The following SUCLG2 variants were observed in gnomAD, a reference collection of about 807,000 sequenced individuals.
The protein encoded by SUCLG2 is succinate-CoA ligase GDP-forming subunit beta.
A neutral mutation model predicts 47.9 loss-of-function variants in SUCLG2; 42 were observed. The ratio of observed to expected loss-of-function variants is 0.88; its 90% confidence interval spans 0.69 to 1.14. The LOEUF is 1.14. Ranked by LOEUF, SUCLG2 falls within the 50% of genes most tolerant of loss-of-function variation. The pLI is 0.00. For missense variants in SUCLG2, 571 were observed against 525.9 expected (o/e 1.09, Z -0.84); for synonymous variants, 195 against 197.3 (o/e 0.99, Z 0.10).
intron 10 of SUCLG2, among the ~76,000 whole-genome samples, chr3:67,392,235 C>T (rs545106615): frequency 6.6e-6 from 1 of 152,280 alleles, no homozygotes; most frequent in East Asian, 1.9e-4. Context: ...TTCACCTCTC[C>T]TGCCTTATCA....
At chr3:67,475,002 TA>T (rs141612730) in intron 9 of SUCLG2, among the ~76,000 whole-genome samples, 79,373 of 142,828 alleles carry the variant, frequency 0.56, 21,915 homozygotes, top group Middle Eastern at 0.64. Context: ...TTTCCTGGTC[TA>T]AAAAAAAAAA....
In SUCLG2 at chr3:67,444,687, T is replaced by TG. The variant is rs1425486249; in HGVS notation, c.1063-43837dup. Reference sequence around the variant, plus strand: ...CCAGCCGCCCCGTCTGGGAGGGAGGTGGGGGGGGTCAGCCCCCCTGCCCGG... The same window carrying TG: ...CCAGCCGCCCCGTCTGGGAGGGAGGTGGGGGGGGGTCAGCCCCCCTGCCCGG... On this transcript the variant is annotated intron_variant, in intron 9 of 10. Transcript: ENST00000307227. 2.3e-3 allele frequency among the ~76,000 whole-genome samples: 17 copies of TG among 7,304 alleles called. 3 individuals are homozygous for TG. Among genetic ancestry groups the TG allele is most frequent in the African/African-American group, 0.014 (17 of 1,226 alleles). 4.8% of individuals were successfully genotyped at this position (7,304 alleles called of 152,430 possible).
At chr3:67,651,449 G>A (rs952109230) in intron 1 of SUCLG2, among the ~76,000 whole-genome samples, 1 of 152,112 alleles carries the variant, frequency 6.6e-6, no homozygotes, top group Non-Finnish European at 1.5e-5. Flanking sequence ...TCATCGCTCA[G>A]GTCTCAGCTC....
rs1177821579 is a variant in SUCLG2, at chr3:67,508,854, G to A, written c.710C>T (p.Ala237Val). 4 of 1,611,634 alleles carry A rather than the reference G, an allele frequency of 2.5e-6. No homozygotes were observed. The highest frequency in any genetic ancestry group is 2.2e-5 in the East Asian group (1 of 44,804). The change falls in exon 7 of 11, where the codon GCT becomes GTT. Residue 237 changes from alanine to valine, a missense_variant. Physicochemically the swap from Ala to Val is moderately conservative, Grantham distance 64. Coordinates refer to ENST00000307227, the MANE Select transcript of SUCLG2 (RefSeq NM_003848.4). ...AAAGGGATTCACTTCCACCTGAGTA[G>A]CATCAATTTTCAGGAAGAGATTATA... ...KLYNLFLKID[A>V]TQVEVNPFGE...
intron 1 of SUCLG2, among the ~76,000 whole-genome samples, chr3:67,647,268 T>C (rs1701209226): frequency 6.6e-6 from 1 of 152,224 alleles, no homozygotes; most frequent in Non-Finnish European, 1.5e-5. Flanking sequence ...CCTCGAATTT[T>C]AAAATAAAAA....
intron 2 of SUCLG2, among the ~76,000 whole-genome samples, chr3:67,572,115 C>A (rs1707629243): frequency 6.6e-6 from 1 of 152,164 alleles, no homozygotes; most frequent in Non-Finnish European, 1.5e-5. Context: ...ACAAATTGCC[C>A]CACATCAGAC....
intron 2 of SUCLG2, among the ~76,000 whole-genome samples, chr3:67,593,215 A>G (rs969854477): frequency 1.3e-5 from 2 of 152,216 alleles, no homozygotes; most frequent in East Asian, 3.8e-4. Flanking sequence ...ATAATAACTA[A>G]AAGTTGTTAT....
chr3:67,535,319 A>C (rs1410104839), intron 2 of SUCLG2, among the ~76,000 whole-genome samples: 1 of 152,070 alleles, frequency 6.6e-6, no homozygotes, highest in South Asian at 2.1e-4. Context: ...GGCACGTCTA[A>C]AAGTGAGGTT....
intron 1 of SUCLG2, among the ~76,000 whole-genome samples, chr3:67,611,201 T>C (rs1306608491): frequency 1.3e-5 from 2 of 152,238 alleles, no homozygotes; most frequent in Non-Finnish European, 2.9e-5. Context: ...AGCCTAAAGA[T>C]AGCTCTCTGT....
chr3:67,631,609 AGAGT>A (rs1352322745), intron 1 of SUCLG2, among the ~76,000 whole-genome samples: 1 of 152,200 alleles, frequency 6.6e-6, no homozygotes, highest in Admixed American at 6.5e-5. Context: ...CCTAGGCAAC[AGAGT>A]GAGACTCCGT....
chr3:67,642,525 C>CGTTGCCTCAGAGG (rs1701118995), intron 1 of SUCLG2, among the ~76,000 whole-genome samples: 1 of 152,036 alleles, frequency 6.6e-6, no homozygotes, highest in African/African-American at 2.4e-5. Flanking sequence ...ACAGAGGATT[C>CGTTGCCTCAGAGG]ATTGTGCCCA....
At chr3:67,615,491 G>A (rs1411967565) in intron 1 of SUCLG2, among the ~76,000 whole-genome samples, 1 of 152,064 alleles carries the variant, frequency 6.6e-6, no homozygotes, top group Non-Finnish European at 1.5e-5. Flanking sequence ...CACTTGGGAA[G>A]GCAGCATAAA....
chr3:67,567,620 T>C (rs954971881), intron 2 of SUCLG2, among the ~76,000 whole-genome samples: 1 of 152,218 alleles, frequency 6.6e-6, no homozygotes, highest in Non-Finnish European at 1.5e-5. Flanking sequence ...AATGGTAATC[T>C]GAAAACTTTT....
chr3:67,380,150 G>A (rs1702122956), intron 10 of SUCLG2, among the ~76,000 whole-genome samples: 1 of 148,586 alleles, frequency 6.7e-6, no homozygotes, highest in Admixed American at 6.7e-5. Context: ...ACTGCTCAAG[G>A]TGCAATCAGG....
At chr3:67,474,552 C>G (rs1316130584) in intron 9 of SUCLG2, among the ~76,000 whole-genome samples, 1 of 152,164 alleles carries the variant, frequency 6.6e-6, no homozygotes, top group African/African-American at 2.4e-5. Context: ...TCAAATTTAA[C>G]TTGCATTATG....
intron 2 of SUCLG2, among the ~76,000 whole-genome samples, chr3:67,593,906 G>T (rs1450084052): frequency 6.6e-6 from 1 of 152,180 alleles, no homozygotes; most frequent in Non-Finnish European, 1.5e-5. Flanking sequence ...TCCCACTAGA[G>T]GCCCTGACCC....
chr3:67,621,405 C>T (rs1700734830), intron 1 of SUCLG2, among the ~76,000 whole-genome samples: 1 of 152,146 alleles, frequency 6.6e-6, no homozygotes, highest in South Asian at 2.1e-4. Flanking sequence ...TCTGATGTAC[C>T]TGCTAGTCAT....
intron 9 of SUCLG2, among the ~76,000 whole-genome samples, chr3:67,419,971 G>A (rs1703118645): frequency 6.6e-6 from 1 of 152,200 alleles, no homozygotes; most frequent in Admixed American, 6.5e-5. Flanking sequence ...GGAAGGCAGG[G>A]ATGGTTTGAT....
chr3:67,431,712 G>A (rs943642661), intron 9 of SUCLG2, among the ~76,000 whole-genome samples: 41 of 150,776 alleles, frequency 2.7e-4, no homozygotes, highest in African/African-American at 9.5e-4. Flanking sequence ...CACACGGTGG[G>A]GAACATCACA....
Sources: allele counts gnomAD v4.1 joint callset (sites outside exome capture counted in the v4.1 genomes callset), GRCh38; gene constraint gnomAD v4.1.1; transcripts MANE v1.5; gene names NCBI Gene and HGNC (gene_info 2026-07-23, HGNC 2026-07-21).